VPS36: variants seen among roughly 807,000 people sequenced by gnomAD.
VPS36 encodes the protein vacuolar protein sorting 36 homolog, also known as vacuolar protein-sorting-associated protein 36.
In VPS36, 31 loss-of-function variants were observed where a neutral mutation model predicts 63.5. The observed-to-expected ratio is 0.49, with a 90% CI of 0.37 to 0.66. The LOEUF (loss-of-function observed/expected upper bound fraction) is 0.66, where lower values mean the gene tolerates loss of function less well. Ranked by LOEUF, VPS36 falls within the 30% of genes least tolerant of loss-of-function variation. The probability of loss-of-function intolerance (pLI) is 0.00; values close to 1 mark genes in which losing one functional copy is unlikely to be tolerated. For missense variants in VPS36, 338 were observed against 463.7 expected, an observed-to-expected ratio of 0.73 and a Z score of 2.49; for synonymous variants, 138 against 157.2, an observed-to-expected ratio of 0.88 and a Z score of 0.91.
intron 1 of VPS36, among the ~76,000 whole-genome samples, chr13:52,446,454 T>C (rs940271039): frequency 3.3e-5 from 5 of 152,168 alleles, no homozygotes; most frequent in Non-Finnish European, 7.4e-5. Flanking sequence ...AGTGAAGAAA[T>C]TGTGTAACAG....
rs1230133556 is a variant in VPS36, at chr13:52,450,189, C to T, written c.96+310G>A. The T allele has an allele frequency of 5.8e-6, 6 of 1,030,412 alleles. No individual in the cohort carries two copies. In the East Asian group the frequency reaches 4.2e-4, roughly 71 times the overall value. 63.8% of individuals were successfully genotyped at this position (1,030,412 alleles called of 1,614,324 possible). ...CCGCAGACGGCGAGCGCTCCTTCTCCCGGGCACTGCAGCTGTGCGCTCCCG... is the reference window on the plus strand; with the variant it reads ...CCGCAGACGGCGAGCGCTCCTTCTCTCGGGCACTGCAGCTGTGCGCTCCCG... On this transcript the variant is annotated intron_variant, in intron 1 of 13. Coordinates refer to ENST00000378060, the MANE Select transcript of VPS36 (RefSeq NM_016075.4).
chr13:52,426,552 C>T (rs1958102817), intron 8 of VPS36, among the ~76,000 whole-genome samples: 1 of 152,172 alleles, frequency 6.6e-6, no homozygotes, highest in Admixed American at 6.5e-5. Flanking sequence ...TTTTCTTTGG[C>T]ACTTTCACAT....
At chr13:52,434,484 G>A (rs2137795727) in intron 5 of VPS36, among the ~76,000 whole-genome samples, 1 of 151,912 alleles carries the variant, frequency 6.6e-6, no homozygotes, top group East Asian at 1.9e-4. Flanking sequence ...TCAGCCTTCT[G>A]AGCAGCTGGG....
At chr13:52,415,945 A>C (rs370932525) in intron 13 of VPS36, 22 bp from the exon 14 acceptor site, 42 of 1,612,714 alleles carry the variant, frequency 2.6e-5, no homozygotes, top group Admixed American at 6.7e-5. Flanking sequence ...CAACAAAAAA[A>C]CCCCCACACA....
intron 5 of VPS36, among the ~76,000 whole-genome samples, chr13:52,434,212 C>G (rs1211220410): frequency 6.6e-6 from 1 of 152,148 alleles, no homozygotes; most frequent in African/African-American, 2.4e-5. Context: ...TGTCTATTCT[C>G]TCAAATGTCA....
chr13:52,440,009 C>A (rs536752858), intron 2 of VPS36, among the ~76,000 whole-genome samples: 1 of 149,270 alleles, frequency 6.7e-6, no homozygotes, highest in African/African-American at 2.5e-5. Flanking sequence ...GATGGAGTCT[C>A]GCTCTGTTGC....
Position 52,412,699 on chromosome 13 carries a change from GTTCA to G in VPS36, c.*3127_*3130del, listed in dbSNP as rs1309577184. 1.3e-5 allele frequency: 2 copies of G among 152,226 alleles called. No individual in the cohort carries two copies. Among genetic ancestry groups the G allele is most frequent in the East Asian group, 1.9e-4 (1 of 5,204 alleles). The allele number at this position is 152,226 out of a possible 1,614,324, so 9.4% of individuals were successfully genotyped here. On this transcript the variant is annotated 3_prime_UTR_variant, in exon 14 of 14. Coordinates refer to ENST00000378060, the MANE Select transcript of VPS36 (RefSeq NM_016075.4). ...ATTATAAATAGGAATATAGGTAGGA[GTTCA>G]TTCATTCAGTAAATATTTATTGAAT...
chr13:52,431,552 C>T (rs1392352574), intron 6 of VPS36, among the ~76,000 whole-genome samples: 11 of 151,816 alleles, frequency 7.2e-5, no homozygotes. Flanking sequence ...TTCACGAGGT[C>T]AGGAGTTCGA....
At chr13:52,417,166 A>T in intron 11 of VPS36, 25 bp from the exon 12 acceptor site, 2 of 1,606,168 alleles carry the variant, frequency 1.2e-6, no homozygotes, top group Non-Finnish European at 1.7e-6. Flanking sequence ...TGCGAGAACA[A>T]AGCCAGGAAT....
intron 6 of VPS36, among the ~76,000 whole-genome samples, chr13:52,432,611 C>G (rs1958171071): frequency 6.6e-6 from 1 of 152,204 alleles, no homozygotes; most frequent in African/African-American, 2.4e-5. Context: ...TGAATATTAA[C>G]AGCTGCTAAC....
At chr13:52,432,399 A>G (rs1474362845) in intron 6 of VPS36, among the ~76,000 whole-genome samples, 2 of 152,158 alleles carry the variant, frequency 1.3e-5, no homozygotes, top group Non-Finnish European at 2.9e-5. Flanking sequence ...CTAATTAGTC[A>G]TCGTCAAAAG....
Position 52,417,207 on chromosome 13 carries a change from G to A in VPS36, c.906-66C>T, listed in dbSNP as rs1434374183. 2.9e-5 allele frequency: 41 copies of A among 1,412,642 alleles called. 1 individual carries two copies. Among genetic ancestry groups the A allele is most frequent in the South Asian group, 2.5e-4 (21 of 85,334 alleles). The allele number at this position is 1,412,642 out of a possible 1,614,324, so 87.5% of individuals were successfully genotyped here. A position where few individuals can be genotyped will look rare whatever the true frequency, so the allele number is the denominator to read the frequency against. ...AGGATATTCAACTGCTGAAAAGGAG[G>A]ACATCTTTTATACCTTCTTTTATGC... On this transcript the variant is annotated intron_variant, in intron 11 of 13. Transcript: ENST00000378060.
At chr13:52,437,189 C>T (rs1026661420) in intron 3 of VPS36, among the ~76,000 whole-genome samples, 25 of 152,072 alleles carry the variant, frequency 1.6e-4, no homozygotes, top group African/African-American at 5.8e-4. Flanking sequence ...ACCTACCACT[C>T]AATTTTACTT....
At chr13:52,443,194 G>A (rs1039639345) in intron 1 of VPS36, among the ~76,000 whole-genome samples, 2 of 151,686 alleles carry the variant, frequency 1.3e-5, no homozygotes, top group South Asian at 2.1e-4. Flanking sequence ...AGTAAAAAAC[G>A]AAAAAAATTA....
chr13:52,422,155 T>A (rs1594113754), intron 10 of VPS36, among the ~76,000 whole-genome samples: 1 of 152,160 alleles, frequency 6.6e-6, no homozygotes, highest in East Asian at 1.9e-4. Flanking sequence ...ATCTATCATC[T>A]ATTCTCTACC....
chr13:52,443,750 G>A (rs554345262), intron 1 of VPS36, among the ~76,000 whole-genome samples: 10 of 152,146 alleles, frequency 6.6e-5, no homozygotes, highest in Non-Finnish European at 4.4e-5. Flanking sequence ...ACAAAGAAAT[G>A]CCAGCTGGGT....
intron 1 of VPS36, among the ~76,000 whole-genome samples, chr13:52,443,169 A>C (rs940405359): frequency 3.3e-5 from 5 of 152,220 alleles, no homozygotes; most frequent in Non-Finnish European, 5.9e-5. Flanking sequence ...GAATTCTAGA[A>C]GGATCAAACA....
chr13:52,450,250 G>T, intron 1 of VPS36: 1 of 1,112,906 alleles, frequency 9.0e-7, no homozygotes, highest in Non-Finnish European at 1.1e-6. Flanking sequence ...GCCGCGATCC[G>T]CGCCTGCTGG....
chr13:52,447,770 C>G, intron 1 of VPS36, among the ~76,000 whole-genome samples: 1 of 149,644 alleles, frequency 6.7e-6, no homozygotes, highest in East Asian at 2.0e-4. Flanking sequence ...CCGGTGACTG[C>G]TACATTATGA....
Sources: gnomAD v4.1 joint callset for allele counts (sites outside exome capture counted in the v4.1 genomes callset) on GRCh38, gnomAD v4.1.1 for gene constraint, MANE v1.5 for transcripts, NCBI Gene and HGNC (gene_info 2026-07-23, HGNC 2026-07-21) for gene names.